UGT1A6: variants seen among roughly 807,000 people sequenced by gnomAD.
UGT1A6 encodes UDP glucuronosyltransferase family 1 member A6.
A neutral mutation model predicts 44.4 loss-of-function variants in UGT1A6; 32 were observed. The observed-to-expected ratio is 0.72, with a 90% confidence interval of 0.54 to 0.97. UGT1A6 has a LOEUF of 0.97. UGT1A6 is among the 50% of genes least tolerant of loss of function. UGT1A6 has a pLI of 0.00. For synonymous variants in UGT1A6, 238 were observed against 248.5 expected (o/e 0.96, Z 0.40); for missense variants, 685 against 661.9 (o/e 1.03, Z -0.38).
intron 1 of UGT1A6, chr2:233,718,138 CCTCA>C: frequency 1.7e-5 from 4 of 236,468 alleles, no homozygotes; most frequent in South Asian, 5.8e-5. Context: ...GATGGAGAAT[CCTCA>C]ATAAAGCCTT....
At chr2:233,738,071 C>T (rs905760849) in intron 1 of UGT1A6, among the ~76,000 whole-genome samples, 5 of 152,114 alleles carry the variant, frequency 3.3e-5, no homozygotes, top group Non-Finnish European at 7.3e-5. Flanking sequence ...AGGTCCCCAC[C>T]TCCTAATCTC....
chr2:233,720,513 G>C (rs2076864645), intron 1 of UGT1A6, among the ~76,000 whole-genome samples: 1 of 152,034 alleles, frequency 6.6e-6, no homozygotes, highest in Non-Finnish European at 1.5e-5. Context: ...AGGTGAAGCT[G>C]ATCATATCAC....
chr2:233,765,616 G>A (rs1387784053), intron 1 of UGT1A6, among the ~76,000 whole-genome samples: 1 of 151,774 alleles, frequency 6.6e-6, no homozygotes, highest in Non-Finnish European at 1.5e-5. Flanking sequence ...CGGGGTGAGG[G>A]GTGAGGGGAG....
At chr2:233,719,072 G>C (rs148007151) in intron 1 of UGT1A6, 2 of 1,614,284 alleles carry the variant, frequency 1.2e-6, no homozygotes, top group African/African-American at 2.7e-5. Flanking sequence ...CTGTTCCATG[G>C]ACCCAGAAGG....
At chr2:233,736,707 G>C (rs536736454) in intron 1 of UGT1A6, among the ~76,000 whole-genome samples, 9 of 152,300 alleles carry the variant, frequency 5.9e-5, no homozygotes, top group African/African-American at 1.9e-4. Flanking sequence ...TTTTGGTGTA[G>C]ATGTCCTTTT....
At chr2:233,732,129 GTTGTTTGT>G (rs201829156) in intron 1 of UGT1A6, among the ~76,000 whole-genome samples, 3 of 151,474 alleles carry the variant, frequency 2.0e-5, no homozygotes, top group African/African-American at 4.9e-5. Context: ...TTTTGATGAG[GTTGTTTGT>G]TTGTTTTTTT....
rs2076922721 is a variant in UGT1A6, at chr2:233,721,129, T to G, written c.861+27264T>G. 2.0e-5 allele frequency among the ~76,000 whole-genome samples: 3 copies of G among 152,198 alleles called. 1 individual carries two copies. Among genetic ancestry groups the G allele is most frequent in the Admixed American group, 2.0e-4 (3 of 15,284 alleles). On this transcript the variant is annotated intron_variant, in intron 1 of 4. Transcript: ENST00000305139. ...TTATTTCTGTACTTCTTTTTATTAGTGTAGGTATTATTGCAAAGGACACTA... is the reference window on the plus strand; with the variant it reads ...TTATTTCTGTACTTCTTTTTATTAGGGTAGGTATTATTGCAAAGGACACTA...
chr2:233,713,567 C>T (rs1231652913), intron 1 of UGT1A6: 11 of 1,613,854 alleles, frequency 6.8e-6, no homozygotes, highest in African/African-American at 1.3e-5. Context: ...ACCCTTCCTC[C>T]TATATTCCTA....
intron 1 of UGT1A6, among the ~76,000 whole-genome samples, chr2:233,765,401 A>G (rs1024843153): frequency 3.9e-5 from 6 of 152,246 alleles, no homozygotes; most frequent in African/African-American, 1.4e-4. Flanking sequence ...TGTGGTACAT[A>G]TACACCATGG....
In UGT1A6 at chr2:233,767,782, A is replaced by G. The variant is rs1404728252; in HGVS notation, c.994-67A>G. The G allele has an allele frequency of 3.7e-6, 6 of 1,613,376 alleles. No individual in the cohort carries two copies. In the African/African-American group the frequency reaches 4.0e-5, roughly 11 times the overall value. ...AGAGGACCCCTGTTTTCTAGTTAGT[A>G]TAGCAGATTTGTTTTCTAATCATAT... is the stretch of plus-strand genomic sequence containing the variant. On this transcript the variant is annotated intron_variant, in intron 2 of 4. Coordinates refer to ENST00000305139, the MANE Select transcript of UGT1A6 (RefSeq NM_001072.4).
At chr2:233,719,118 T>G (rs1175236836) in intron 1 of UGT1A6, 4 of 1,614,062 alleles carry the variant, frequency 2.5e-6, no homozygotes, top group Non-Finnish European at 2.5e-6. Context: ...CACTCAAGGG[T>G]TCTTTGAAAC....
At position 233,768,333 on chromosome 2, in the gene UGT1A6, A is replaced by C. The variant is rs28934877; in HGVS notation, c.1195A>C (p.Asn399His). The change falls in exon 4 of 5, where the codon AAT becomes CAT. Residue 399 changes from asparagine (N) to histidine (H), a missense_variant. By Grantham distance (68) the Asn-to-His change is moderately conservative. Transcript: ENST00000305139. ...GCCCTTGTTTGGTGATCAGATGGAC[A>C]ATGCAAAGCGCATGGAGACTAAGGG... Reference protein sequence around the residue: ...MMPLFGDQMDNAKRMETKGAG... With the variant: ...MMPLFGDQMDHAKRMETKGAG... The C allele has an allele frequency of 3.7e-6, 6 of 1,614,220 alleles. 1 individual carries two copies. In the East Asian group the frequency reaches 1.1e-4, roughly 30 times the overall value.
chr2:233,693,055 C>A lies in UGT1A6; in HGVS notation c.51C>A (p.Phe17Leu). ...SFQRISAGVF[F>L]LALWGMVVGD... ...AGAGAATTTCTGCAGGGGTTTTCTT[C>A]TTAGCACTTTGGGGCATGGTTGTAG... The change falls in exon 1 of 5, where the codon TTC becomes TTA. Residue 17 changes from phenylalanine (F) to leucine (L), a missense_variant. By Grantham distance (22) the Phe-to-Leu change is conservative. Coordinates refer to ENST00000305139, the MANE Select transcript of UGT1A6 (RefSeq NM_001072.4). The A allele has an allele frequency of 6.2e-7, 1 of 1,614,174 alleles. No individual in the cohort carries two copies. Among genetic ancestry groups the A allele is most frequent in the South Asian group, 1.1e-5 (1 of 91,082 alleles).
upstream of UGT1A6, chr2:233,692,887 G>A (rs564129992): frequency 4.6e-6 from 7 of 1,518,050 alleles, no homozygotes; most frequent in South Asian, 5.5e-5. Flanking sequence ...TTCAGAGCAA[G>A]GGAGAGGTAG....
At chr2:233,761,722 G>C (rs1220395060) in intron 1 of UGT1A6, among the ~76,000 whole-genome samples, 1 of 152,224 alleles carries the variant, frequency 6.6e-6, no homozygotes, top group African/African-American at 2.4e-5. Context: ...CAAGCTATTA[G>C]GTTTATTTTT....
At chr2:233,766,869 G>A (rs1460136088) in intron 1 of UGT1A6, among the ~76,000 whole-genome samples, 165 bp from the exon 2 acceptor site, 1 of 152,162 alleles carries the variant, frequency 6.6e-6, no homozygotes, top group African/African-American at 2.4e-5. Context: ...GTAAAGGAGA[G>A]GAAAATGCTG....
At chr2:233,724,365 G>A (rs1424941561) in intron 1 of UGT1A6, among the ~76,000 whole-genome samples, 1 of 148,100 alleles carries the variant, frequency 6.8e-6, no homozygotes, top group African/African-American at 2.5e-5. Flanking sequence ...CTCCCGGACG[G>A]GGTGGCTGCC....
At chr2:233,764,822 A>G (rs963945721) in intron 1 of UGT1A6, among the ~76,000 whole-genome samples, 3 of 152,082 alleles carry the variant, frequency 2.0e-5, no homozygotes, top group Non-Finnish European at 4.4e-5. Flanking sequence ...AAAATGCAGC[A>G]TGGTGGTGGG....
chr2:233,720,263 C>A (rs982246715), intron 1 of UGT1A6, among the ~76,000 whole-genome samples: 3 of 152,084 alleles, frequency 2.0e-5, no homozygotes, highest in African/African-American at 7.2e-5. Flanking sequence ...AGAGAGGGAT[C>A]TGTCCTGAGA....
Sources: allele counts gnomAD v4.1 joint callset (sites outside exome capture counted in the v4.1 genomes callset), GRCh38; gene constraint gnomAD v4.1.1; transcripts MANE v1.5; gene names NCBI Gene and HGNC (gene_info 2026-07-23, HGNC 2026-07-21).